NLRC5: variants seen among roughly 807,000 people sequenced by gnomAD.
The protein encoded by NLRC5 is NLR family CARD domain containing 5.
Under a neutral mutation model 206.9 loss-of-function variants are expected in NLRC5, and 114 were observed. That is an observed-to-expected ratio of 0.55 (90% CI 0.47 to 0.64). NLRC5 has a LOEUF of 0.64. Among genes scored for constraint, NLRC5 ranks in the 30% least tolerant of loss-of-function variants. The pLI is 0.00. For synonymous variants in NLRC5, 952 were observed against 962.8 expected, an observed-to-expected ratio of 0.99 and a Z score of 0.21; for missense variants, 2,008 against 2,305.5, an observed-to-expected ratio of 0.87 and a Z score of 2.64.
At chr16:57,061,736 T>C in intron 32 of NLRC5, 35 bp downstream of exon 32, 1 of 1,585,316 alleles carries the variant, frequency 6.3e-7, no homozygotes, top group Non-Finnish European at 8.5e-7. Flanking sequence ...GGAGGGGCCA[T>C]GGCATGAATG....
intron 30 of NLRC5, among the ~76,000 whole-genome samples, chr16:57,060,241 A>T (rs180989097): frequency 0.024 from 3,599 of 151,534 alleles, 133 homozygotes; most frequent in African/African-American, 0.08. Context: ...CCCCTCTGCT[A>T]CTCTGTGCCC....
intron 22 of NLRC5, 35 bp downstream of exon 22, chr16:57,046,676 A>G (rs751340108): frequency 6.4e-6 from 10 of 1,572,178 alleles, no homozygotes; most frequent in Non-Finnish European, 8.7e-6. Flanking sequence ...GGGGGTAACC[A>G]TAATAGGGAT....
In NLRC5 at chr16:57,025,450, C is replaced by T. The variant is rs769114538; in HGVS notation, c.507C>T (p.Pro169=). ...GCCAAATCCCTGGGTCAGGGCAGCCCCACGCCTTCCACCAGGTCTATGTCC... is the reference window on the plus strand; with the variant it reads ...GCCAAATCCCTGGGTCAGGGCAGCCTCACGCCTTCCACCAGGTCTATGTCC... ...YRSQIPGSGQ[P]HAFHQVYVPP... Residue 169 remains proline, a synonymous_variant, in exon 6 of 49, where the codon CCC becomes CCT. Transcript: ENST00000688547. 3.7e-6 allele frequency: 6 copies of T among 1,609,000 alleles called. No individual in the cohort carries two copies. The highest frequency in any genetic ancestry group is 1.1e-5 in the South Asian group (1 of 90,300).
At chr16:57,047,817 G>T (rs749437831) in intron 23 of NLRC5, 189 bp downstream of exon 23, 3 of 609,708 alleles carry the variant, frequency 4.9e-6, no homozygotes, top group African/African-American at 3.7e-5. Flanking sequence ...CTTAGGCAGC[G>T]CATGTCTCCC....
chr16:57,079,309 G>C lies in NLRC5; in HGVS notation c.5237+17G>C, dbSNP rs145469964. ...ACAGATAGAGTAAGTAGCCTCCCCT[G>C]CCTGCCTAGGGGACCAGTGGCAGGC... On this transcript the variant is annotated intron_variant, in intron 45 of 48. Coordinates refer to ENST00000688547, the MANE Select transcript of NLRC5 (RefSeq NM_001384950.1). The C allele has an allele frequency of 8.9e-4, 1,434 of 1,612,314 alleles. 17 individuals are homozygous for C. In the African/African-American group the frequency reaches 0.018, roughly 20 times the overall value.
chr16:57,051,743 C>A, intron 24 of NLRC5, 122 bp downstream of exon 24: 1 of 684,622 alleles, frequency 1.5e-6, no homozygotes, highest in Non-Finnish European at 2.6e-6. Context: ...CTCCAACCCC[C>A]TCTACCCGCT....
intron 32 of NLRC5, chr16:57,062,066 G>A: frequency 1.5e-6 from 2 of 1,309,212 alleles, no homozygotes; most frequent in East Asian, 4.7e-5. Context: ...GAAGTAGAAA[G>A]AATAATTTTT....
At chr16:57,009,588 A>G (rs2059284971) in intron 1 of NLRC5, among the ~76,000 whole-genome samples, 1 of 152,026 alleles carries the variant, frequency 6.6e-6, no homozygotes, top group East Asian at 1.9e-4. Context: ...GTGAGACTCC[A>G]TTTCAAAAAA....
At chr16:57,022,497 C>A (rs1163729695) in intron 4 of NLRC5, among the ~76,000 whole-genome samples, 182 bp downstream of exon 4, 2 of 152,246 alleles carry the variant, frequency 1.3e-5, no homozygotes, top group African/African-American at 2.4e-5. Context: ...TCTCCCAGCC[C>A]CACCTCCTCC....
At position 57,023,809 on chromosome 16, in the gene NLRC5, G is replaced by A. The variant is rs777712732; in HGVS notation, c.380G>A (p.Cys127Tyr). 10 of 1,612,210 alleles carry A rather than the reference G, an allele frequency of 6.2e-6. No homozygotes were observed. Among genetic ancestry groups the A allele is most frequent in the Non-Finnish European group, 8.5e-6 (10 of 1,179,144 alleles). Residue 127 changes from cysteine (C) to tyrosine (Y), a missense_variant, in exon 5 of 49, where the codon TGT (cysteine) becomes TAT (tyrosine). Physicochemically the swap from Cys to Tyr is radical, Grantham distance 194 (BLOSUM62 -2). Transcript: ENST00000688547. ...GGCCTGAAGCGCCCACATCAGAGCT[G>A]TGGGTCCTCACCCCGCCGGAAGCAG... is the stretch of plus-strand genomic sequence containing the variant. Reference protein sequence around the residue: ...HHGLKRPHQSCGSSPRRKQCK... With the variant: ...HHGLKRPHQSYGSSPRRKQCK...
In NLRC5 at chr16:57,026,356, G is replaced by A. The variant is rs1271785111; in HGVS notation, c.1413G>A (p.Gly471=). 13 of 1,613,854 alleles carry A rather than the reference G, an allele frequency of 8.1e-6. No individual in the cohort carries two copies. Among genetic ancestry groups the A allele is most frequent in the Admixed American group, 1.7e-5 (1 of 60,016 alleles). ...TGGCCCTGAGGGGCCTGGAGACAGG[G>A]AAGGTTATCTTCTATGCAAAAGATA... ...GEVALRGLET[G]KVIFYAKDIA... Residue 471 remains glycine, a synonymous_variant, in exon 6 of 49, where the codon GGG becomes GGA. Coordinates refer to ENST00000688547, the MANE Select transcript of NLRC5 (RefSeq NM_001384950.1).
rs3751705 is a variant in NLRC5, at chr16:57,082,546, T to C, written c.*18T>C. 70,289 of 1,570,936 alleles carry C rather than the reference T, an allele frequency of 0.045. 4,981 individuals carry two copies. The highest frequency in any genetic ancestry group is 0.28 in the East Asian group (12,586 of 44,408). On this transcript the variant is annotated 3_prime_UTR_variant, in exon 49 of 49. Coordinates refer to ENST00000688547, the MANE Select transcript of NLRC5 (RefSeq NM_001384950.1). ...GTACTTGATGGCCCCCTCAAGACCT[T>C]TGGAATCCAGCCAAGTGATGCACCC...
intron 1 of NLRC5, chr16:57,013,075 T>A (rs2059666647): frequency 4.5e-6 from 1 of 223,304 alleles, no homozygotes; most frequent in Non-Finnish European, 9.5e-6. Flanking sequence ...ACTCTTTACC[T>A]GTATAGTATT....
In NLRC5 at chr16:57,067,796, C is replaced by T; in HGVS notation, c.4467C>T (p.Leu1489=). 6.2e-7 allele frequency: 1 copy of T among 1,614,220 alleles called. No individual in the cohort carries two copies. The highest frequency in any genetic ancestry group is 8.5e-7 in the Non-Finnish European group (1 of 1,180,020). ...CCAGTTCCCTGCTGCTGCAGAGCCTCCTGCTGTCCCTCTCTGAGCTGAAGA... is the reference window on the plus strand; with the variant it reads ...CCAGTTCCCTGCTGCTGCAGAGCCTTCTGCTGTCCCTCTCTGAGCTGAAGA... ...DDASSLLLQS[L]LLSLSELKTF... The change falls in exon 36 of 49, where the codon CTC becomes CTT. Residue 1489 remains leucine, a synonymous_variant. Transcript: ENST00000688547.
intron 15 of NLRC5, among the ~76,000 whole-genome samples, chr16:57,037,510 C>G (rs372218362): frequency 6.6e-6 from 1 of 152,114 alleles, no homozygotes; most frequent in African/African-American, 2.4e-5. Context: ...GAACCAGAGA[C>G]GCCTGGCAGG....
chr16:57,032,876 T>C (rs2143019269), intron 11 of NLRC5, among the ~76,000 whole-genome samples: 1 of 151,120 alleles, frequency 6.6e-6, no homozygotes, highest in East Asian at 1.9e-4. Flanking sequence ...TTCACTCCTA[T>C]AGTACCAGTT....
In NLRC5 at chr16:57,057,362, C is replaced by T. The variant is rs140606851; in HGVS notation, c.3747-703C>T. ...TCTCTTGAACCTGGGAGACAGAGGTCGCAGTGAGCCAAGATCGTGCCATTG... is the reference window on the plus strand; with the variant it reads ...TCTCTTGAACCTGGGAGACAGAGGTTGCAGTGAGCCAAGATCGTGCCATTG... On this transcript the variant is annotated intron_variant, in intron 27 of 48. Transcript: ENST00000688547. 4.6e-3 allele frequency among the ~76,000 whole-genome samples: 701 copies of T among 152,284 alleles called. 7 individuals carry two copies. The highest frequency in any genetic ancestry group is 0.015 in the African/African-American group (637 of 41,558).
chr16:57,043,664 T>A, intron 20 of NLRC5, 60 bp downstream of exon 20: 1 of 1,362,820 alleles, frequency 7.3e-7, no homozygotes, highest in South Asian at 1.2e-5. Flanking sequence ...GGTCATCTGC[T>A]CCCACGTGGG....
At chr16:57,011,872 C>T (rs753946628) in intron 1 of NLRC5, among the ~76,000 whole-genome samples, 5 of 152,078 alleles carry the variant, frequency 3.3e-5, no homozygotes, top group Non-Finnish European at 7.4e-5. Context: ...TTAATTTCTA[C>T]TGCATTATTT....
Sources: gnomAD v4.1 joint callset for allele counts (sites outside exome capture counted in the v4.1 genomes callset) on GRCh38, gnomAD v4.1.1 for gene constraint, MANE v1.5 for transcripts, NCBI Gene and HGNC (gene_info 2026-07-23, HGNC 2026-07-21) for gene names.